Variants in ALPK2 observed in about 807,000 individuals in gnomAD.
The protein encoded by ALPK2 is alpha kinase 2.
A neutral mutation model predicts 163.1 loss-of-function variants in ALPK2; 127 were observed. The ratio of observed to expected loss-of-function variants is 0.78; its 90% CI spans 0.67 to 0.90. The LOEUF (loss-of-function observed/expected upper bound fraction) is 0.90, where lower values mean the gene tolerates loss of function less well. Among genes scored for constraint, ALPK2 ranks in the 40% least tolerant of loss-of-function variants. The pLI is 0.00. For synonymous variants in ALPK2, 953 were observed against 959.1 expected (o/e 0.99, Z 0.12); for missense variants, 2,360 against 2,589.6 (o/e 0.91, Z 1.92).
Position 58,517,144 on chromosome 18 carries a change from C to T in ALPK2, c.5704G>A (p.Glu1902Lys). The T allele has an allele frequency of 6.2e-7, 1 of 1,614,166 alleles. No individual in the cohort carries two copies. Among genetic ancestry groups the T allele is most frequent in the African/African-American group, 1.3e-5 (1 of 75,058 alleles). The stretch of plus-strand genomic sequence containing the variant: ...AAGTAGCTGTCATGGAGGAAGTCTT[C>T]TTTGAAGATGAGTTGGCTGAATTCA... Reference protein sequence around the residue: ...EIEFSQLIFKEDFLHDSYFGG... With the variant: ...EIEFSQLIFKKDFLHDSYFGG... Residue 1902 changes from glutamate to lysine, a missense_variant, in exon 9 of 13, where the codon GAA (glutamate) becomes AAA (lysine). By Grantham distance (56) the Glu-to-Lys change is moderately conservative. Transcript: ENST00000361673.
chr18:58,604,033 G>A (rs1470855906), intron 3 of ALPK2, among the ~76,000 whole-genome samples: 4 of 152,218 alleles, frequency 2.6e-5, no homozygotes, highest in African/African-American at 9.7e-5. Context: ...ATGAGGAGGA[G>A]AATGCAGGAT....
chr18:58,534,328 G>C (rs1291629136), intron 5 of ALPK2, among the ~76,000 whole-genome samples: 1 of 152,044 alleles, frequency 6.6e-6, no homozygotes, highest in Non-Finnish European at 1.5e-5. Context: ...GTTCAAGGAA[G>C]TTATTTTTAA....
chr18:58,593,366 C>A (rs151048057), intron 3 of ALPK2, among the ~76,000 whole-genome samples: 6 of 151,434 alleles, frequency 4.0e-5, no homozygotes, highest in South Asian at 4.2e-4. Context: ...GAGTTCAAGA[C>A]CAGCCTGGCC....
rs1055005787 is a variant in ALPK2, at chr18:58,489,424, G to A, written c.6297-7385C>T. Among the ~76,000 whole-genome samples, 6 of 152,216 alleles carry A rather than the reference G, an allele frequency of 3.9e-5. No homozygotes were observed. In the South Asian group the frequency reaches 6.2e-4, roughly 16 times the overall value. On this transcript the variant is annotated intron_variant, in intron 12 of 12. Transcript: ENST00000361673. ...AGGCTTGGTATGGTAGGTAGCTCAC[G>A]CCTGTAATCCCAGCACTTTGAGAGT...
intron 1 of ALPK2, among the ~76,000 whole-genome samples, chr18:58,615,096 A>C (rs1273570278): frequency 1.3e-5 from 2 of 152,250 alleles, no homozygotes; most frequent in African/African-American, 4.8e-5. Flanking sequence ...TTATAGGCAG[A>C]AGACACAGAG....
At chr18:58,502,951 A>T (rs931051383) in intron 11 of ALPK2, among the ~76,000 whole-genome samples, 1 of 152,134 alleles carries the variant, frequency 6.6e-6, no homozygotes, top group Admixed American at 6.5e-5. Flanking sequence ...GGCTCCCTGC[A>T]GATGTCAGCT....
Position 58,524,006 on chromosome 18 carries a change from T to C in ALPK2, c.5558A>G (p.Gln1853Arg). The C allele has an allele frequency of 6.2e-7, 1 of 1,614,154 alleles. No individual in the cohort carries two copies. Among genetic ancestry groups the C allele is most frequent in the East Asian group, 2.2e-5 (1 of 44,870 alleles). ...FAIVQASPKD[Q>R]GLYYCCIKNS... ...CTTGATGCAGCAGTAATAGAGTCCCTGGTCCTTCGGACTGGCTTGCACGAT... is the reference window on the plus strand; with the variant it reads ...CTTGATGCAGCAGTAATAGAGTCCCCGGTCCTTCGGACTGGCTTGCACGAT... Residue 1853 changes from glutamine (Q) to arginine (R), a missense_variant, in exon 7 of 13, where the codon CAG becomes CGG. Coordinates refer to ENST00000361673, the MANE Select transcript of ALPK2 (RefSeq NM_052947.4).
At chr18:58,498,213 A>G (rs765747656) in intron 11 of ALPK2, 116 bp from the exon 12 acceptor site, 8 of 945,318 alleles carry the variant, frequency 8.5e-6, no homozygotes, top group Non-Finnish European at 1.2e-5. Context: ...TCCTTCCTGC[A>G]TAAACACTCG....
intron 12 of ALPK2, among the ~76,000 whole-genome samples, chr18:58,491,493 C>A (rs943939156): frequency 3.3e-5 from 5 of 152,178 alleles, no homozygotes; most frequent in Non-Finnish European, 7.3e-5. Flanking sequence ...AGACCCTGCC[C>A]TCGATGGATC....
rs2051311387 is a variant in ALPK2 at position 58,481,599 on chromosome 18, C to T, written c.*224G>A. ...AGAATGGACTGTCTTTGAGACCAATCGTTGATTCAATCTCCCCATAAACCT... is the reference window on the plus strand; with the variant it reads ...AGAATGGACTGTCTTTGAGACCAATTGTTGATTCAATCTCCCCATAAACCT... On this transcript the variant is annotated 3_prime_UTR_variant, in exon 13 of 13. Coordinates refer to ENST00000361673, the MANE Select transcript of ALPK2 (RefSeq NM_052947.4). 3 of 571,504 alleles carry T rather than the reference C, an allele frequency of 5.2e-6. No individual in the cohort carries two copies. The highest frequency in any genetic ancestry group is 9.4e-6 in the Non-Finnish European group (3 of 317,996). The allele number at this position is 571,504 out of a possible 1,614,324, so 35.4% of individuals were successfully genotyped here.
At chr18:58,497,578 A>C (rs932515597) in intron 12 of ALPK2, among the ~76,000 whole-genome samples, 1 of 152,236 alleles carries the variant, frequency 6.6e-6, no homozygotes, top group Non-Finnish European at 1.5e-5. Flanking sequence ...ATTGCCTCCT[A>C]TGATTATCAT....
At chr18:58,526,554 A>T (rs1312519551) in intron 6 of ALPK2, among the ~76,000 whole-genome samples, 3 of 152,058 alleles carry the variant, frequency 2.0e-5, no homozygotes, top group African/African-American at 7.2e-5. Flanking sequence ...AGCCCAGGGA[A>T]CTCAGAAGGA....
At chr18:58,502,775 T>G (rs577316187) in intron 11 of ALPK2, among the ~76,000 whole-genome samples, 116 of 152,326 alleles carry the variant, frequency 7.6e-4, no homozygotes, top group African/African-American at 2.7e-3. Flanking sequence ...TTTCTCTGCT[T>G]AAGAACTTTC....
chr18:58,588,528 G>A (rs1376100302), intron 3 of ALPK2, among the ~76,000 whole-genome samples: 1 of 152,102 alleles, frequency 6.6e-6, no homozygotes, highest in Admixed American at 6.5e-5. Context: ...TAGATATTAA[G>A]CCCAGCATGC....
chr18:58,487,958 G>A (rs1431279111), intron 12 of ALPK2, among the ~76,000 whole-genome samples: 4 of 152,130 alleles, frequency 2.6e-5, no homozygotes, highest in East Asian at 1.9e-4. Flanking sequence ...GAATGACCTC[G>A]AGACCCTGTT....
At chr18:58,611,849 T>C (rs555760902) in intron 1 of ALPK2, 32 bp from the exon 2 acceptor site, 15 of 1,338,804 alleles carry the variant, frequency 1.1e-5, no homozygotes, top group Non-Finnish European at 1.5e-5. Context: ...GACATCACCA[T>C]TTGTTCTGGG....
chr18:58,555,161 A>T (rs2051783558), intron 4 of ALPK2, among the ~76,000 whole-genome samples: 1 of 152,206 alleles, frequency 6.6e-6, no homozygotes, highest in Non-Finnish European at 1.5e-5. Flanking sequence ...ACACTTCAAG[A>T]GGGTGGGAAC....
chr18:58,580,774 T>A (rs2051954731), intron 3 of ALPK2: 4 of 554,912 alleles, frequency 7.2e-6, no homozygotes, highest in Non-Finnish European at 1.3e-5. Context: ...GAAACTTTCC[T>A]CAACGCTGCC....
chr18:58,563,666 A>G (rs141537156), intron 4 of ALPK2, among the ~76,000 whole-genome samples: 1 of 152,248 alleles, frequency 6.6e-6, no homozygotes, highest in Non-Finnish European at 1.5e-5. Flanking sequence ...GTTTCCAAGC[A>G]TTTAAAAAAT....
Sources: allele counts gnomAD v4.1 joint callset (sites outside exome capture counted in the v4.1 genomes callset), GRCh38; gene constraint gnomAD v4.1.1; transcripts MANE v1.5; gene names NCBI Gene and HGNC (gene_info 2026-07-23, HGNC 2026-07-21).